Variants in PACSIN2 observed in about 807,000 individuals in gnomAD.
PACSIN2 encodes the protein protein kinase C and casein kinase substrate in neurons 2.
PACSIN2 carries 25 observed loss-of-function variants against 63.8 expected under a neutral mutation model. The observed-to-expected ratio is 0.39, with a 90% CI of 0.29 to 0.55. The LOEUF (loss-of-function observed/expected upper bound fraction) is 0.55, where lower values mean the gene tolerates loss of function less well. PACSIN2 is among the 20% of genes least tolerant of loss of function. PACSIN2 has a pLI of 0.62. For synonymous variants in PACSIN2, 255 were observed against 256.2 expected, an observed-to-expected ratio of 1.00 and a Z score of 0.05; for missense variants, 518 against 646.9, an observed-to-expected ratio of 0.80 and a Z score of 2.16.
At chr22:43,002,405 G>A (rs770399412) in intron 1 of PACSIN2, 2 of 152,120 alleles carry the variant, frequency 1.3e-5, no homozygotes, top group African/African-American at 4.8e-5. Flanking sequence ...CAAGTAGTAA[G>A]GATTTTCTAA....
chr22:42,931,051 C>T lies in PACSIN2; in HGVS notation c.-77-18894G>A, dbSNP rs373871578. 3.9e-5 allele frequency among the ~76,000 whole-genome samples: 6 copies of T among 152,370 alleles called. No homozygotes were observed. In the South Asian group the frequency reaches 6.2e-4, roughly 16 times the overall value. ...ATGTTGACAGGAATTCTTTCATTCA[C>T]TCATTCATTCGCTCAGTGTTCACTG... On this transcript the variant is annotated intron_variant, in intron 1 of 10. Transcript: ENST00000263246.
chr22:42,874,086 G>A lies in PACSIN2; in HGVS notation c.1348+2051C>T, dbSNP rs148789693. The stretch of plus-strand genomic sequence containing the variant: ...ATTACAGGTGTGAGCCATCGTGCCC[G>A]GACAAGATAACACTTTTCAAATTGA... On this transcript the variant is annotated intron_variant, in intron 10 of 10. Coordinates refer to ENST00000263246, the MANE Select transcript of PACSIN2 (RefSeq NM_001184970.3). Among the ~76,000 whole-genome samples the A allele has an allele frequency of 3.8e-3, 571 of 152,172 alleles. 19 individuals are homozygous for A. The highest frequency in any genetic ancestry group is 0.035 in the Admixed American group (536 of 15,290).
intron 1 of PACSIN2, among the ~76,000 whole-genome samples, chr22:42,977,766 T>A (rs1017312789): frequency 6.6e-6 from 1 of 152,094 alleles, no homozygotes; most frequent in Non-Finnish European, 1.5e-5. Flanking sequence ...CATGTGGCAC[T>A]TCCCCCCTCA....
chr22:42,966,105 C>T (rs1052735243), intron 1 of PACSIN2, among the ~76,000 whole-genome samples: 1 of 152,192 alleles, frequency 6.6e-6, no homozygotes, highest in African/African-American at 2.4e-5. Context: ...GGCGCGGTGG[C>T]TCACGCCTGT....
At position 42,920,320 on chromosome 22, in the gene PACSIN2, C is replaced by T. The variant is rs534941676; in HGVS notation, c.-77-8163G>A. ...CAAGATGAATCAGAAGCATGCCATC[C>T]GAATTCCAACAAGTGATTTTGAAAT... On this transcript the variant is annotated intron_variant, in intron 1 of 10. Coordinates refer to ENST00000263246, the MANE Select transcript of PACSIN2 (RefSeq NM_001184970.3). Among the ~76,000 whole-genome samples the T allele has an allele frequency of 2.8e-4, 43 of 152,178 alleles. No homozygotes were observed. In the South Asian group the frequency reaches 3.3e-3, roughly 12 times the overall value.
chr22:42,948,473 TA>T (rs1263783965), intron 1 of PACSIN2, among the ~76,000 whole-genome samples: 2 of 152,204 alleles, frequency 1.3e-5, no homozygotes, highest in Non-Finnish European at 2.9e-5. Context: ...CTTTGAAGTT[TA>T]AAAAGCCACA....
chr22:42,967,928 G>A (rs1920987615), intron 1 of PACSIN2, among the ~76,000 whole-genome samples: 1 of 152,086 alleles, frequency 6.6e-6, no homozygotes. Flanking sequence ...ATCAAATTAG[G>A]TACTTTACTG....
intron 1 of PACSIN2, among the ~76,000 whole-genome samples, chr22:42,955,149 G>C (rs1226439073): frequency 2.0e-5 from 3 of 152,098 alleles, no homozygotes; most frequent in Non-Finnish European, 2.9e-5. Context: ...CTGCTTAGAA[G>C]TCTCTTTACC....
At chr22:42,909,042 C>A (rs1434088254) in intron 2 of PACSIN2, among the ~76,000 whole-genome samples, 2 of 152,176 alleles carry the variant, frequency 1.3e-5, no homozygotes, top group Non-Finnish European at 2.9e-5. Flanking sequence ...CATTAAATAG[C>A]TCTATTCAGT....
chr22:42,938,363 A>C (rs1357273138), intron 1 of PACSIN2, among the ~76,000 whole-genome samples: 1 of 152,258 alleles, frequency 6.6e-6, no homozygotes, highest in African/African-American at 2.4e-5. Context: ...AAGAAAGGGA[A>C]GCCCCTGATG....
At chr22:42,882,148 C>T (rs374290800) in intron 7 of PACSIN2, 36 bp downstream of exon 7, 1 of 1,611,662 alleles carries the variant, frequency 6.2e-7, no homozygotes, top group Non-Finnish European at 8.5e-7. Context: ...GGTCCTCTTC[C>T]AGGCTGATGA....
At chr22:42,936,756 C>T (rs1932931509) in intron 1 of PACSIN2, among the ~76,000 whole-genome samples, 1 of 151,902 alleles carries the variant, frequency 6.6e-6, no homozygotes, top group Non-Finnish European at 1.5e-5. Context: ...ACTAAAAATA[C>T]AAAAATTAGC....
At chr22:42,916,257 C>G (rs577390773) in intron 1 of PACSIN2, among the ~76,000 whole-genome samples, 1 of 152,290 alleles carries the variant, frequency 6.6e-6, no homozygotes, top group South Asian at 2.1e-4. Context: ...TTGCTACTTC[C>G]TTCAGCTCCA....
chr22:42,983,514 A>G (rs1922394532), intron 1 of PACSIN2, among the ~76,000 whole-genome samples: 1 of 149,130 alleles, frequency 6.7e-6, no homozygotes, highest in South Asian at 2.1e-4. Flanking sequence ...AAAAACAGAT[A>G]TTGAAGGCAA....
At chr22:42,911,138 T>A (rs1931425682) in intron 2 of PACSIN2, among the ~76,000 whole-genome samples, 1 of 151,694 alleles carries the variant, frequency 6.6e-6, no homozygotes, top group Non-Finnish European at 1.5e-5. Flanking sequence ...ACTCCTGACC[T>A]CAAGATCCAC....
rs76791031 is a variant in PACSIN2, at chr22:42,948,400, C to G, written c.-77-36243G>C. ...ATGGACAAGAAGAGGTCACACCCAT[C>G]AGAAGCGCTATCTAGAAGTGAACTA... On this transcript the variant is annotated intron_variant, in intron 1 of 10. Transcript: ENST00000263246. 3.3e-3 allele frequency among the ~76,000 whole-genome samples: 506 copies of G among 152,336 alleles called. 4 individuals carry two copies. Among genetic ancestry groups the G allele is most frequent in the African/African-American group, 0.012 (488 of 41,564 alleles).
chr22:43,005,372 C>T (rs1390853508), intron 1 of PACSIN2, among the ~76,000 whole-genome samples: 2 of 152,318 alleles, frequency 1.3e-5, no homozygotes, highest in South Asian at 4.1e-4. Flanking sequence ...GAGAGCAAGG[C>T]CTCTCTGCAT....
chr22:42,919,484 C>T (rs1055958338), intron 1 of PACSIN2, among the ~76,000 whole-genome samples: 3 of 152,114 alleles, frequency 2.0e-5, no homozygotes, highest in African/African-American at 7.2e-5. Flanking sequence ...CCTAAAGAAA[C>T]TGAACTCAGG....
At chr22:42,921,379 A>G (rs1290032272) in intron 1 of PACSIN2, among the ~76,000 whole-genome samples, 3 of 151,822 alleles carry the variant, frequency 2.0e-5, no homozygotes, top group African/African-American at 4.8e-5. Context: ...AAAGAAAAAA[A>G]AAAAAAAAGC....
Sources: gnomAD v4.1 joint callset for allele counts (sites outside exome capture counted in the v4.1 genomes callset) on GRCh38, gnomAD v4.1.1 for gene constraint, MANE v1.5 for transcripts, NCBI Gene and HGNC (gene_info 2026-07-23, HGNC 2026-07-21) for gene names.